PRDM9: variants seen among roughly 807,000 people sequenced by gnomAD.
The protein encoded by PRDM9 is PR/SET domain 9.
PRDM9 carries 47 observed loss-of-function variants against 55.6 expected under a neutral mutation model. That is an observed-to-expected ratio of 0.85 (90% confidence interval 0.67 to 1.08). The LOEUF (loss-of-function observed/expected upper bound fraction) is 1.08, where lower values mean the gene tolerates loss of function less well. PRDM9 is among the 50% of genes least tolerant of loss of function. PRDM9 has a pLI of 0.00. For missense variants in PRDM9, 867 were observed against 1,040.3 expected (o/e 0.83, Z 2.29); for synonymous variants, 312 against 375.7 (o/e 0.83, Z 1.96).
At chr5:23,509,384 G>T (rs1202053001) in intron 2 of PRDM9, 86 bp from the exon 3 acceptor site, 5 of 1,604,858 alleles carry the variant, frequency 3.1e-6, no homozygotes, top group Non-Finnish European at 4.3e-6. Context: ...AGAGGCCCCA[G>T]GCTATGTCCT....
At chr5:23,522,477 A>T (rs1376005783) in intron 7 of PRDM9, 72 bp downstream of exon 7, 6 of 1,586,072 alleles carry the variant, frequency 3.8e-6, no homozygotes, top group Non-Finnish European at 4.3e-6. Context: ...CATTTGGCCC[A>T]CAAATCATTC....
chr5:23,513,972 C>T (rs1739151585), intron 4 of PRDM9, among the ~76,000 whole-genome samples: 1 of 152,182 alleles, frequency 6.6e-6, no homozygotes, highest in Non-Finnish European at 1.5e-5. Flanking sequence ...ACTAAGCCAC[C>T]TACCAACAAT....
chr5:23,513,751 C>A (rs1739146381), intron 4 of PRDM9, among the ~76,000 whole-genome samples: 1 of 151,982 alleles, frequency 6.6e-6, no homozygotes, highest in African/African-American at 2.4e-5. Context: ...TAGTGGCGTG[C>A]ACCTATAATC....
At position 23,527,655 on chromosome 5, in the gene PRDM9, G is replaced by A; in HGVS notation, c.2567G>A (p.Gly856Glu). The change falls in exon 11 of 11, where the codon GGG (glycine) becomes GAG (glutamate). Residue 856 changes from glycine (G) to glutamate (E), a missense_variant. Physicochemically the swap from Gly to Glu is moderately conservative, Grantham distance 98. Transcript: ENST00000296682. ...HLLRHQRTHT[G>E]EKPYVCRECG... ...CTCAGACACCAGAGGACACACACAG[G>A]GGAGAAGCCCTACGTCTGCAGGGAG... 1 of 1,520,106 alleles carries A rather than the reference G, an allele frequency of 6.6e-7. No homozygotes were observed. The highest frequency in any genetic ancestry group is 1.2e-5 in the South Asian group (1 of 83,998). The allele number at this position is 1,520,106 out of a possible 1,614,324, so 94.2% of individuals were successfully genotyped here.
Position 23,528,012 on chromosome 5 carries a change from C to A in PRDM9, c.*239C>A, listed in dbSNP as rs1459487804. On this transcript the variant is annotated 3_prime_UTR_variant, in exon 11 of 11. Transcript: ENST00000296682. ...TCGGGGGACATCAGCATGTGTGGTT[C>A]TTTCCCGCACTGATCCCCTCCATTT... 5 of 622,824 alleles carry A rather than the reference C, an allele frequency of 8.0e-6. No individual in the cohort carries two copies. The African/African-American group carries it at 9.2e-5, about 11-fold the overall frequency. 38.6% of individuals were successfully genotyped at this position (622,824 alleles called of 1,614,324 possible).
At chr5:23,514,335 T>C (rs1739158264) in intron 4 of PRDM9, among the ~76,000 whole-genome samples, 1 of 152,200 alleles carries the variant, frequency 6.6e-6, no homozygotes, top group South Asian at 2.1e-4. Context: ...GAGGGGTCTC[T>C]TCCTGACTTG....
intron 4 of PRDM9, among the ~76,000 whole-genome samples, chr5:23,517,293 A>G (rs1354233311): frequency 2.0e-5 from 3 of 152,020 alleles, no homozygotes; most frequent in Non-Finnish European, 4.4e-5. Flanking sequence ...TGTACTAGAT[A>G]CCTTATTAGG....
chr5:23,525,340 G>T (rs527597739), intron 10 of PRDM9, among the ~76,000 whole-genome samples: 1 of 152,216 alleles, frequency 6.6e-6, no homozygotes, highest in Non-Finnish European at 1.5e-5. Flanking sequence ...AGAATGGTGG[G>T]CAGGATGAAG....
rs536648531 is a variant in PRDM9 at position 23,522,380 on chromosome 5, C to T, written c.585C>T (p.Ser195=). The T allele has an allele frequency of 1.3e-4, 202 of 1,613,770 alleles. 2 individuals are homozygous for T. Among genetic ancestry groups the T allele is most frequent in the South Asian group, 6.9e-4 (63 of 91,072 alleles). Reference sequence around the variant, plus strand: ...AGGGTCATGCATACAAAGAGGTCAGCGAGCCGCAGGATGATGATTACCTCT... The same window carrying T: ...AGGGTCATGCATACAAAGAGGTCAGTGAGCCGCAGGATGATGATTACCTCT... ...ERKGHAYKEV[S]EPQDDDYLYC... The change falls in exon 7 of 11, where the codon AGC becomes AGT. Residue 195 remains serine, a synonymous_variant. Transcript: ENST00000296682.
chr5:23,523,811 T>A (rs1739380739), intron 9 of PRDM9, among the ~76,000 whole-genome samples: 1 of 152,174 alleles, frequency 6.6e-6, no homozygotes, highest in Non-Finnish European at 1.5e-5. Flanking sequence ...TCTATGTTAT[T>A]GGGCCAAGAG....
At chr5:23,516,095 T>C (rs1240760941) in intron 4 of PRDM9, among the ~76,000 whole-genome samples, 2 of 152,238 alleles carry the variant, frequency 1.3e-5, no homozygotes, top group African/African-American at 4.8e-5. Flanking sequence ...TAGATCATTT[T>C]GATAGTATGA....
chr5:23,509,427 T>C (rs1180880071), intron 2 of PRDM9, 43 bp from the exon 3 acceptor site: 1 of 1,613,876 alleles, frequency 6.2e-7, no homozygotes, highest in Non-Finnish European at 8.5e-7. Flanking sequence ...ACCAGCTTGA[T>C]GTGTACTAGT....
intron 1 of PRDM9, among the ~76,000 whole-genome samples, chr5:23,507,958 A>C (rs1739018087): frequency 6.6e-6 from 1 of 152,010 alleles, no homozygotes; most frequent in East Asian, 1.9e-4. Flanking sequence ...GAGAAGCCGC[A>C]ATTCCCCTCA....
chr5:23,509,670 C>T (rs1739052104), intron 3 of PRDM9, 77 bp downstream of exon 3: 1 of 1,607,554 alleles, frequency 6.2e-7, no homozygotes, highest in South Asian at 1.1e-5. Context: ...TTTTAGTTCT[C>T]AGGTGGTGGC....
Position 23,517,963 on chromosome 5 carries a change from C to A in PRDM9, c.351+33C>A, listed in dbSNP as rs144981567. 4.9e-3 allele frequency: 7,540 copies of A among 1,540,660 alleles called. 20 individuals are homozygous for A. Among genetic ancestry groups the A allele is most frequent in the Non-Finnish European group, 5.9e-3 (6,525 of 1,113,356 alleles). ...TTTCCCAAATCCTATTGACAAGAAACCTTCCTCATGGATCCAAACACAGGT... is the reference window on the plus strand; with the variant it reads ...TTTCCCAAATCCTATTGACAAGAAAACTTCCTCATGGATCCAAACACAGGT... On this transcript the variant is annotated intron_variant, in intron 5 of 10. Transcript: ENST00000296682.
rs200176762 is a variant in PRDM9, at chr5:23,526,569, T to G, written c.1481T>G (p.Met494Arg). Residue 494 changes from methionine (M) to arginine (R), a missense_variant, in exon 11 of 11, where the codon ATG (methionine) becomes AGG (arginine). Transcript: ENST00000296682. ...AGCTGTAGAGTGGGAAAAAGAATAATGGAAGAAGAGTCCAGAACAGGCCAG... is the reference window on the plus strand; with the variant it reads ...AGCTGTAGAGTGGGAAAAAGAATAAGGGAAGAAGAGTCCAGAACAGGCCAG... ...MGSCRVGKRI[M>R]EEESRTGQKV... is the part of the protein sequence containing the mutation. 239 of 1,614,002 alleles carry G rather than the reference T, an allele frequency of 1.5e-4. No homozygotes were observed. The highest frequency in any genetic ancestry group is 1.6e-4 in the Non-Finnish European group (192 of 1,180,022).
In PRDM9 at chr5:23,524,084, T is replaced by C. The variant is rs539062470; in HGVS notation, c.951-250T>C. Reference sequence around the variant, plus strand: ...GGTGGAGGTAAGTCTGGAGTTGGGCTTTGAAAAAATGGTTGATTAGGCATG... The same window carrying C: ...GGTGGAGGTAAGTCTGGAGTTGGGCCTTGAAAAAATGGTTGATTAGGCATG... On this transcript the variant is annotated intron_variant, in intron 9 of 10. Coordinates refer to ENST00000296682, the MANE Select transcript of PRDM9 (RefSeq NM_020227.4). Among the ~76,000 whole-genome samples the C allele has an allele frequency of 1.6e-4, 25 of 152,220 alleles. No homozygotes were observed. The South Asian group carries it at 4.8e-3, about 29-fold the overall frequency.
chr5:23,517,643 G>C (rs1357732656), intron 4 of PRDM9, among the ~76,000 whole-genome samples: 1 of 152,026 alleles, frequency 6.6e-6, no homozygotes, highest in Non-Finnish European at 1.5e-5. Flanking sequence ...AAAATTAGCC[G>C]GGTGTGGTGG....
chr5:23,526,081 A>G, intron 10 of PRDM9, 152 bp from the exon 11 acceptor site: 1 of 865,462 alleles, frequency 1.2e-6, no homozygotes, highest in Non-Finnish European at 1.9e-6. Flanking sequence ...GAATGGAAAA[A>G]TGGACTGTAA....
Sources: gnomAD v4.1 joint callset for allele counts (sites outside exome capture counted in the v4.1 genomes callset) on GRCh38, gnomAD v4.1.1 for gene constraint, MANE v1.5 for transcripts, NCBI Gene and HGNC (gene_info 2026-07-23, HGNC 2026-07-21) for gene names.